Variants in MAPK8IP3 observed in about 807,000 individuals in gnomAD.
MAPK8IP3 encodes mitogen-activated protein kinase 8 interacting protein 3.
Under a neutral mutation model 157.8 loss-of-function variants are expected in MAPK8IP3, and 49 were observed. The ratio of observed to expected loss-of-function variants is 0.31; its 90% CI spans 0.25 to 0.39. The LOEUF is 0.39. Ranked by LOEUF, MAPK8IP3 falls within the 10% of genes least tolerant of loss-of-function variation. The pLI is 1.00. For synonymous variants in MAPK8IP3, 897 were observed against 777.7 expected (o/e 1.15, Z -2.55); for missense variants, 1,478 against 1,889.4 (o/e 0.78, Z 4.04).
Position 1,763,000 on chromosome 16 carries a change from C to T in MAPK8IP3, c.1892C>T (p.Pro631Leu). Residue 631 changes from proline to leucine, a missense_variant, in exon 16 of 32, where the codon CCT (proline) becomes CTT (leucine). By Grantham distance (98) the Pro-to-Leu change is moderately conservative (BLOSUM62 -3). Transcript: ENST00000610761. The part of the protein sequence containing the change: ...SAGSRPLEFF[P>L]DDDCTSSARR... ...GGCAGCCGGCCCCTGGAATTCTTCC[C>T]TGACGAGTGAGTGTCCCGCAGCCCC... 6.2e-7 allele frequency: 1 copy of T among 1,612,806 alleles called. No homozygotes were observed.
In MAPK8IP3 at chr16:1,765,991, G is replaced by A; in HGVS notation, c.2478G>A (p.Glu826=). The A allele has an allele frequency of 6.2e-7, 1 of 1,612,686 alleles. No individual in the cohort carries two copies. Among genetic ancestry groups the A allele is most frequent in the East Asian group, 2.2e-5 (1 of 44,876 alleles). Residue 826 remains glutamate, a synonymous_variant, in exon 21 of 32, where the codon GAG becomes GAA. Transcript: ENST00000610761. Reference sequence around the variant, plus strand: ...GCGACAGCGACTACCCTCCCGGGGAGATGTTCCTGGACAGCGACGTGAACC... The same window carrying A: ...GCGACAGCGACTACCCTCCCGGGGAAATGTTCCTGGACAGCGACGTGAACC... ...AASDSDYPPG[E]MFLDSDVNPE...
chr16:1,736,685 TGTGACCGA>T (rs1203599172), intron 4 of MAPK8IP3, among the ~76,000 whole-genome samples: 1 of 81,084 alleles, frequency 1.2e-5, no homozygotes. Flanking sequence ...TGAGCATCCG[TGTGACCGA>T]CCGTGTGAGC....
intron 4 of MAPK8IP3, among the ~76,000 whole-genome samples, chr16:1,736,770 CTG>C (rs1261561387): frequency 7.7e-5 from 4 of 51,776 alleles, no homozygotes; most frequent in Non-Finnish European, 9.8e-5. Flanking sequence ...GTGTGACCGT[CTG>C]TGTGACCATC....
chr16:1,718,539 A>G (rs1000196826), intron 1 of MAPK8IP3, among the ~76,000 whole-genome samples: 16 of 151,494 alleles, frequency 1.1e-4, no homozygotes, highest in Admixed American at 7.2e-4. Context: ...CTCGCCTGTA[A>G]TACCAGCACT....
Position 1,760,465 on chromosome 16 carries a change from G to C in MAPK8IP3, c.1390G>C (p.Glu464Gln), listed in dbSNP as rs2041869653. 1 of 1,614,020 alleles carries C rather than the reference G, an allele frequency of 6.2e-7. No individual in the cohort carries two copies. Among genetic ancestry groups the C allele is most frequent in the Non-Finnish European group, 8.5e-7 (1 of 1,179,936 alleles). ...GCAGGAGGTGCTGAGGGGCGAGTTG[G>C]AGGCTGCTAAGCAGGCCAAAGTCAA... ...GEQEVLRGEL[E>Q]AAKQAKVKLE... The change falls in exon 12 of 32, where the codon GAG becomes CAG. Residue 464 changes from glutamate (E) to glutamine (Q), a missense_variant. By Grantham distance (29) the Glu-to-Gln change is conservative. Around this residue, in one of 11 missense-constraint regions of MAPK8IP3, gnomAD observed 96 missense variants for 106.3 expected, o/e 0.90. Coordinates refer to ENST00000610761, the MANE Select transcript of MAPK8IP3 (RefSeq NM_001318852.2).
chr16:1,708,249 C>G (rs2037527844), intron 1 of MAPK8IP3, among the ~76,000 whole-genome samples: 1 of 152,230 alleles, frequency 6.6e-6, no homozygotes, highest in Non-Finnish European at 1.5e-5. Flanking sequence ...CGACACCGGC[C>G]TGGGCACTTG....
At chr16:1,734,202 C>G (rs574916124) in intron 4 of MAPK8IP3, among the ~76,000 whole-genome samples, 2 of 152,242 alleles carry the variant, frequency 1.3e-5, no homozygotes, top group East Asian at 3.8e-4. Context: ...GTTGGCCCTG[C>G]GGGAAGAAGG....
intron 1 of MAPK8IP3, among the ~76,000 whole-genome samples, chr16:1,709,043 G>T (rs1364213293): frequency 6.6e-6 from 1 of 152,224 alleles, no homozygotes; most frequent in Admixed American, 6.5e-5. Flanking sequence ...TCCTGGGTGA[G>T]CTGTCAGCAG....
chr16:1,766,569 G>C lies in MAPK8IP3; in HGVS notation c.2860G>C (p.Glu954Gln), dbSNP rs1192537296. 6.2e-7 allele frequency: 1 copy of C among 1,612,028 alleles called. No homozygotes were observed. Among genetic ancestry groups the C allele is most frequent in the South Asian group, 1.1e-5 (1 of 91,082 alleles). Residue 954 changes from glutamate to glutamine, a missense_variant, in exon 23 of 32, where the codon GAG becomes CAG. Coordinates refer to ENST00000610761, the MANE Select transcript of MAPK8IP3 (RefSeq NM_001318852.2). ...GCCTGACAGCAGCAGCACACGGCCA[G>C]AGCCAGAGCCCAGCGGGGACCCCAC... ...PEPDSSSTRP[E>Q]PEPSGDPTGA...
chr16:1,752,832 T>C (rs1311739010), intron 8 of MAPK8IP3, among the ~76,000 whole-genome samples: 1 of 151,486 alleles, frequency 6.6e-6, no homozygotes, highest in Non-Finnish European at 1.5e-5. Context: ...CTGCAATCTG[T>C]TGATGGAAGG....
At chr16:1,714,711 G>C (rs940679166) in intron 1 of MAPK8IP3, among the ~76,000 whole-genome samples, 1 of 152,068 alleles carries the variant, frequency 6.6e-6, no homozygotes, top group Non-Finnish European at 1.5e-5. Context: ...CCTTGCACAC[G>C]TGTGTCTCTA....
chr16:1,723,340 G>A (rs572123777), intron 1 of MAPK8IP3, among the ~76,000 whole-genome samples: 8 of 152,226 alleles, frequency 5.3e-5, no homozygotes, highest in Non-Finnish European at 1.0e-4. Flanking sequence ...CCGGGAGGCA[G>A]AGGTTGCAGT....
rs1255417631 is a variant in MAPK8IP3 at position 1,762,360 on chromosome 16, C to T, written c.1549C>T (p.Pro517Ser). ...GCCCCTCCCTCCGCAGGACAAAATCCCCATGGCCCAGCGCCGCCGCTTCAC... is the reference window on the plus strand; with the variant it reads ...GCCCCTCCCTCCGCAGGACAAAATCTCCATGGCCCAGCGCCGCCGCTTCAC... ...SYLCTESDKI[P>S]MAQRRRFTRV... Residue 517 changes from proline (P) to serine (S), a missense_variant, in exon 14 of 32, where the codon CCC (proline) becomes TCC (serine). By Grantham distance (74) the Pro-to-Ser change is moderately conservative. Transcript: ENST00000610761. 6.3e-7 allele frequency: 1 copy of T among 1,574,954 alleles called. No homozygotes were observed. The highest frequency in any genetic ancestry group is 8.6e-7 in the Non-Finnish European group (1 of 1,160,688).
rs769193236 is a variant in MAPK8IP3, at chr16:1,768,231, G to A, written c.3595G>A (p.Ala1199Thr). 9 of 1,612,376 alleles carry A rather than the reference G, an allele frequency of 5.6e-6. No homozygotes were observed. The highest frequency in any genetic ancestry group is 7.6e-6 in the Non-Finnish European group (9 of 1,179,934). Residue 1199 changes from alanine to threonine, a missense_variant, in exon 30 of 32, where the codon GCC becomes ACC. By Grantham distance (58) the Ala-to-Thr change is moderately conservative. Transcript: ENST00000610761. ...NKTSPTSGEG[A>T]RPGGIIHVYG... is the part of the protein sequence containing the mutation. ...GACATCCCCCACCTCTGGGGAGGGC[G>A]CCCGTCCCGGGGGCATCATCCACGT...
chr16:1,764,481 G>A lies in MAPK8IP3; in HGVS notation c.2280+22G>A, dbSNP rs767437418. The A allele has an allele frequency of 1.6e-5, 25 of 1,604,540 alleles. No homozygotes were observed. In the East Asian group the frequency reaches 2.2e-4, roughly 14 times the overall value. ...GAAGGTGAGCATGGCCGAGGCCACC[G>A]GGCACCCTCCCTGGCTTAGTCTCAG... is the stretch of plus-strand genomic sequence containing the variant. On this transcript the variant is annotated intron_variant, in intron 19 of 31. Transcript: ENST00000610761.
intron 1 of MAPK8IP3, among the ~76,000 whole-genome samples, chr16:1,715,309 G>T (rs1478268741): frequency 6.6e-6 from 1 of 152,134 alleles, no homozygotes; most frequent in Non-Finnish European, 1.5e-5. Flanking sequence ...CCGTCCAGCA[G>T]GCTTCAGGGG....
intron 20 of MAPK8IP3, among the ~76,000 whole-genome samples, chr16:1,765,570 A>G (rs571179587): frequency 6.6e-6 from 1 of 152,348 alleles, no homozygotes; most frequent in Non-Finnish European, 1.5e-5. Context: ...CCCTGTGGGC[A>G]GTAGCCTTGG....
intron 1 of MAPK8IP3, among the ~76,000 whole-genome samples, chr16:1,714,576 T>C (rs924898702): frequency 2.0e-5 from 3 of 152,054 alleles, no homozygotes; most frequent in African/African-American, 7.2e-5. Flanking sequence ...GGGGGGCCCC[T>C]TCCTCCCCAG....
At position 1,743,836 on chromosome 16, in the gene MAPK8IP3, G is replaced by A. The variant is rs940298469; in HGVS notation, c.747+360G>A. The A allele has an allele frequency of 1.9e-5, 22 of 1,129,786 alleles. No homozygotes were observed. The Middle Eastern group carries it at 1.1e-3, about 58-fold the overall frequency. The allele number at this position is 1,129,786 out of a possible 1,614,324, so 70.0% of individuals were successfully genotyped here. A position where few individuals can be genotyped will look rare whatever the true frequency, so the allele number is the denominator to read the frequency against. ...CCCACATAAAGCCTCATGCTCACCCGGGCTCCAGCCAGACACATCCTGCCC... is the reference window on the plus strand; with the variant it reads ...CCCACATAAAGCCTCATGCTCACCCAGGCTCCAGCCAGACACATCCTGCCC... On this transcript the variant is annotated intron_variant, in intron 5 of 31. Transcript: ENST00000610761. This position sits in a 1 kb window ranked among gnomAD's most constrained non-coding sequence, Gnocchi z 5.6.
Sources: allele counts gnomAD v4.1 joint callset (sites outside exome capture counted in the v4.1 genomes callset), GRCh38; gene constraint gnomAD v4.1.1; regional missense constraint gnomAD v4.1.1; non-coding constraint Gnocchi (gnomAD v3.1); transcripts MANE v1.5; gene names NCBI Gene and HGNC (gene_info 2026-07-23, HGNC 2026-07-21).